NLGN1: variants seen among roughly 807,000 people sequenced by gnomAD.
NLGN1 encodes neuroligin-1.
In NLGN1, 12 loss-of-function variants were observed where a neutral mutation model predicts 65.5. The ratio of observed to expected loss-of-function variants is 0.18; its 90% confidence interval spans 0.12 to 0.30. The LOEUF (loss-of-function observed/expected upper bound fraction) is 0.30, where lower values mean the gene tolerates loss of function less well. Among genes scored for constraint, NLGN1 ranks in the 10% least tolerant of loss-of-function variants. NLGN1 has a pLI of 1.00. For missense variants in NLGN1, 750 were observed against 1,007.1 expected, an observed-to-expected ratio of 0.74 and a Z score of 3.46; for synonymous variants, 350 against 359.5, an observed-to-expected ratio of 0.97 and a Z score of 0.30.
chr3:173,560,577 C>G, intron 2 of NLGN1, among the ~76,000 whole-genome samples: 1 of 151,904 alleles, frequency 6.6e-6, no homozygotes, highest in Non-Finnish European at 1.5e-5. Context: ...TAGGTTAGCA[C>G]CAGTTTTACT....
intron 4 of NLGN1, among the ~76,000 whole-genome samples, chr3:173,987,364 A>T (rs559354320): frequency 1.3e-5 from 2 of 152,216 alleles, no homozygotes; most frequent in Non-Finnish European, 1.5e-5. Context: ...ATCTGAGGAA[A>T]TCAACTGTGA....
At chr3:174,179,380 G>A (rs547121258) in intron 4 of NLGN1, among the ~76,000 whole-genome samples, 3 of 152,032 alleles carry the variant, frequency 2.0e-5, no homozygotes, top group South Asian at 4.2e-4. Flanking sequence ...GAAAGTGAAG[G>A]GCACAATAGG....
chr3:174,169,077 T>G (rs1409915652), intron 4 of NLGN1, among the ~76,000 whole-genome samples: 1 of 152,132 alleles, frequency 6.6e-6, no homozygotes, highest in Non-Finnish European at 1.5e-5. Flanking sequence ...TGGTTGGAGA[T>G]CTGCCTGGGC....
chr3:173,985,519 A>C (rs1719695527), intron 4 of NLGN1, among the ~76,000 whole-genome samples: 1 of 152,204 alleles, frequency 6.6e-6, no homozygotes, highest in Non-Finnish European at 1.5e-5. Context: ...TTGAGTAAAC[A>C]ATACAAGGAA....
intron 4 of NLGN1, among the ~76,000 whole-genome samples, chr3:173,829,149 T>C (rs1721959304): frequency 6.6e-6 from 1 of 152,004 alleles, no homozygotes; most frequent in Non-Finnish European, 1.5e-5. Flanking sequence ...CAGTGAGAAG[T>C]AGTTTTATGT....
At chr3:173,429,992 T>C (rs2148736261) in intron 1 of NLGN1, among the ~76,000 whole-genome samples, 1 of 152,304 alleles carries the variant, frequency 6.6e-6, no homozygotes, top group Admixed American at 6.5e-5. Context: ...ATGCCTCTAG[T>C]TTCTCTTAGA....
intron 4 of NLGN1, among the ~76,000 whole-genome samples, chr3:174,218,885 T>G (rs1160071585): frequency 1.3e-5 from 2 of 152,082 alleles, no homozygotes; most frequent in Non-Finnish European, 2.9e-5. Context: ...TTTCCCAAAG[T>G]GGGAGGATTG....
At chr3:173,903,482 G>A (rs1737754827) in intron 4 of NLGN1, among the ~76,000 whole-genome samples, 2 of 152,130 alleles carry the variant, frequency 1.3e-5, no homozygotes, top group African/African-American at 4.8e-5. Context: ...ATATATTTAT[G>A]TAAAACATAA....
chr3:173,669,377 G>C (rs1380477409), intron 3 of NLGN1, among the ~76,000 whole-genome samples: 5 of 152,090 alleles, frequency 3.3e-5, no homozygotes. Context: ...TGTTTGGCAG[G>C]GCCATGCTCC....
chr3:173,769,263 T>G (rs955128103), intron 3 of NLGN1, among the ~76,000 whole-genome samples: 5 of 152,204 alleles, frequency 3.3e-5, no homozygotes, highest in Non-Finnish European at 7.3e-5. Context: ...AGTGGTTCAC[T>G]GTTTCTTCCA....
rs1751226356 is a variant in NLGN1, at chr3:174,279,665, A to C, written c.1649+15A>C. 1.4e-6 allele frequency: 2 copies of C among 1,442,022 alleles called. No homozygotes were observed. The highest frequency in any genetic ancestry group is 2.5e-5 in the South Asian group (2 of 79,354). 89.3% of individuals were successfully genotyped at this position (1,442,022 alleles called of 1,614,324 possible). On this transcript the variant is annotated intron_variant, in intron 6 of 6. Coordinates refer to ENST00000457714, the Ensembl canonical transcript of NLGN1. This position sits in a 1 kb window ranked among gnomAD's most constrained non-coding sequence, Gnocchi z 4.7. Reference sequence around the variant, plus strand: ...GCTAAAACTGGGTATGTACCTAAGGAATGAAGTTTATTTTTAATAAAAATG... The same window carrying C: ...GCTAAAACTGGGTATGTACCTAAGGCATGAAGTTTATTTTTAATAAAAATG...
intron 3 of NLGN1, among the ~76,000 whole-genome samples, chr3:173,758,026 C>G (rs1227028327): frequency 6.6e-6 from 1 of 151,894 alleles, no homozygotes; most frequent in Non-Finnish European, 1.5e-5. Context: ...AGAGACAGGA[C>G]TTTTAGAAGG....
At chr3:173,448,016 A>G (rs1429027645) in intron 2 of NLGN1, among the ~76,000 whole-genome samples, 5 of 152,300 alleles carry the variant, frequency 3.3e-5, no homozygotes, top group East Asian at 1.9e-4. Context: ...AACAGGGACA[A>G]TTTTACTTCC....
chr3:173,537,538 A>G (rs1737657987), intron 2 of NLGN1, among the ~76,000 whole-genome samples: 1 of 151,994 alleles, frequency 6.6e-6, no homozygotes. Context: ...TTATAATAAA[A>G]TAAAGAAGAA....
intron 4 of NLGN1, among the ~76,000 whole-genome samples, chr3:174,040,760 C>T (rs1335478116): frequency 6.6e-6 from 1 of 152,012 alleles, no homozygotes; most frequent in African/African-American, 2.4e-5. Flanking sequence ...AATTCTCAAA[C>T]ATTAATAAAG....
intron 4 of NLGN1, among the ~76,000 whole-genome samples, chr3:173,955,455 T>A (rs1012607809): frequency 6.6e-6 from 1 of 152,104 alleles, no homozygotes; most frequent in Non-Finnish European, 1.5e-5. Flanking sequence ...GCTAGGAAAG[T>A]GCTATGAAAA....
chr3:174,140,952 T>C (rs1352942665), intron 4 of NLGN1, among the ~76,000 whole-genome samples: 1 of 152,154 alleles, frequency 6.6e-6, no homozygotes, highest in East Asian at 1.9e-4. Context: ...TTTTAATCTC[T>C]ATATTAAAGT....
chr3:174,009,897 CAG>C (rs1303824184), intron 4 of NLGN1, among the ~76,000 whole-genome samples: 2 of 152,146 alleles, frequency 1.3e-5, no homozygotes, highest in South Asian at 2.1e-4. Flanking sequence ...TGAGCAAAGT[CAG>C]AGAAATGCTG....
chr3:174,224,083 A>G (rs995565892), intron 4 of NLGN1, among the ~76,000 whole-genome samples: 1 of 152,120 alleles, frequency 6.6e-6, no homozygotes, highest in African/African-American at 2.4e-5. Context: ...TATTTAGTCC[A>G]TCTTCTATAC....
Sources: gnomAD v4.1 joint callset for allele counts (sites outside exome capture counted in the v4.1 genomes callset) on GRCh38, gnomAD v4.1.1 for gene constraint, Gnocchi (gnomAD v3.1) non-coding constraint, MANE v1.5 for transcripts, NCBI Gene and HGNC (gene_info 2026-07-23, HGNC 2026-07-21) for gene names.